BCKDHB: variants seen among roughly 807,000 people sequenced by gnomAD.
The protein encoded by BCKDHB is branched chain keto acid dehydrogenase E1 subunit beta, also known as 2-oxoisovalerate dehydrogenase subunit beta, mitochondrial.
In BCKDHB, 41 loss-of-function variants were observed where a neutral mutation model predicts 48.5. The ratio of observed to expected loss-of-function variants is 0.85; its 90% CI spans 0.66 to 1.10. The LOEUF is 1.10. Ranked by LOEUF, BCKDHB falls within the 50% of genes least tolerant of loss-of-function variation. BCKDHB has a pLI of 0.00. For missense variants in BCKDHB, 496 were observed against 494.2 expected, an observed-to-expected ratio of 1.00 and a Z score of -0.03; for synonymous variants, 201 against 174.8, an observed-to-expected ratio of 1.15 and a Z score of -1.18.
rs528535314 is a variant in BCKDHB at position 80,186,359 on chromosome 6, G to T, written c.743-14575G>T. On this transcript the variant is annotated intron_variant, in intron 6 of 9. Coordinates refer to ENST00000320393, the MANE Select transcript of BCKDHB (RefSeq NM_183050.4). ...GCCAGGGAAGGGGGGAAAGCCGGCAGTGACAGGCCTCACCTAGCTTCCACG... is the reference window on the plus strand; with the variant it reads ...GCCAGGGAAGGGGGGAAAGCCGGCATTGACAGGCCTCACCTAGCTTCCACG... Among the ~76,000 whole-genome samples, 98 of 152,286 alleles carry T rather than the reference G, an allele frequency of 6.4e-4. 1 individual carries two copies. The South Asian group carries it at 0.02, about 31-fold the overall frequency.
rs772066588 is a variant in BCKDHB at position 80,106,708 on chromosome 6, G to C, written c.15G>C (p.Ala5=). 9.0e-6 allele frequency: 14 copies of C among 1,551,064 alleles called. No individual in the cohort carries two copies. Among genetic ancestry groups the C allele is most frequent in the Middle Eastern group, 2.2e-4 (1 of 4,478 alleles). The change falls in exon 1 of 10, where the codon GCG becomes GCC. Residue 5 remains alanine (A), a synonymous_variant. Coordinates refer to ENST00000320393, the MANE Select transcript of BCKDHB (RefSeq NM_183050.4). ...GGTGAGCGGGGATGGCGGTTGTAGC[G>C]GCGGCTGCCGGCTGGCTACTCAGGC... MAVV[A]AAAGWLLRLR... is the part of the protein sequence containing the mutation.
chr6:80,315,610 T>C (rs1299692576), intron 9 of BCKDHB, among the ~76,000 whole-genome samples: 3 of 151,826 alleles, frequency 2.0e-5, no homozygotes, highest in Non-Finnish European at 4.4e-5. Flanking sequence ...TTTTTTTTTT[T>C]AAGTTATTTA....
At chr6:80,425,021 G>C in the BCKDHB span, among the ~76,000 whole-genome samples, 5,550 of 152,228 alleles carry the variant, frequency 0.036, 351 homozygotes, top group African/African-American at 0.13. Context: ...AAGAGGAATG[G>C]CCAAAATTAT....
chr6:80,466,191 A>G, the BCKDHB span, among the ~76,000 whole-genome samples: 3 of 152,166 alleles, frequency 2.0e-5, no homozygotes, highest in Non-Finnish European at 4.4e-5. Flanking sequence ...GGAGGAAGTC[A>G]TGTATTTTTC....
intron 8 of BCKDHB, among the ~76,000 whole-genome samples, chr6:80,225,121 C>T (rs1775628508): frequency 6.6e-6 from 1 of 152,184 alleles, no homozygotes; most frequent in Non-Finnish European, 1.5e-5. Context: ...TCCATCCGTT[C>T]CTTTCAGGTG....
intron 9 of BCKDHB, among the ~76,000 whole-genome samples, chr6:80,295,364 C>T (rs1225138095): frequency 8.5e-5 from 13 of 152,094 alleles, no homozygotes; most frequent in Admixed American, 3.3e-4. Flanking sequence ...AGTCACATCT[C>T]GTGTGGTGGC....
chr6:80,290,021 A>G (rs945902130), intron 9 of BCKDHB, among the ~76,000 whole-genome samples: 4 of 152,080 alleles, frequency 2.6e-5, no homozygotes, highest in Non-Finnish European at 5.9e-5. Context: ...GAGTGAGTGC[A>G]CAGCACAGCC....
chr6:80,412,470 T>C, the BCKDHB span, among the ~76,000 whole-genome samples: 1 of 152,300 alleles, frequency 6.6e-6, no homozygotes, highest in East Asian at 1.9e-4. Context: ...TTTTACACTA[T>C]TCATCTATTA....
rs903186042 is a variant in BCKDHB at position 80,222,646 on chromosome 6, G to A, written c.951+19434G>A. Among the ~76,000 whole-genome samples, 36 of 151,916 alleles carry A rather than the reference G, an allele frequency of 2.4e-4. 2 individuals carry two copies. Among genetic ancestry groups the A allele is most frequent in the Admixed American group, 6.6e-5 (1 of 15,238 alleles). ...GAGTTGTCTTCTTAGTGTTCCCGTGGCATTTTCCATCCATCTGTTTCAGAG... is the reference window on the plus strand; with the variant it reads ...GAGTTGTCTTCTTAGTGTTCCCGTGACATTTTCCATCCATCTGTTTCAGAG... On this transcript the variant is annotated intron_variant, in intron 8 of 9. Coordinates refer to ENST00000320393, the MANE Select transcript of BCKDHB (RefSeq NM_183050.4).
chr6:80,200,564 CCA>C (rs1774342149), intron 6 of BCKDHB, among the ~76,000 whole-genome samples: 1 of 152,048 alleles, frequency 6.6e-6, no homozygotes, highest in African/African-American at 2.4e-5. Context: ...TTCTTAGATA[CCA>C]CACACAGGGT....
At chr6:80,117,694 A>G (rs1436173261) in intron 1 of BCKDHB, among the ~76,000 whole-genome samples, 1 of 152,258 alleles carries the variant, frequency 6.6e-6, no homozygotes. Context: ...CCTTAAGGAC[A>G]TGCTCCTGCT....
intron 9 of BCKDHB, among the ~76,000 whole-genome samples, chr6:80,277,529 A>G (rs989333044): frequency 4.6e-5 from 7 of 151,980 alleles, no homozygotes; most frequent in African/African-American, 1.7e-4. Flanking sequence ...TAATGAAAAA[A>G]CAAATCCTGA....
the BCKDHB span, among the ~76,000 whole-genome samples, chr6:80,420,946 C>A: frequency 6.6e-6 from 1 of 152,290 alleles, no homozygotes; most frequent in African/African-American, 2.4e-5. Context: ...TAGAGTGAAA[C>A]TGTTCTTCTC....
chr6:80,154,816 C>T (rs1344274383), intron 3 of BCKDHB, among the ~76,000 whole-genome samples: 1 of 152,032 alleles, frequency 6.6e-6, no homozygotes, highest in Non-Finnish European at 1.5e-5. Context: ...TCACTTGAAT[C>T]TGAACTGATT....
the BCKDHB span, among the ~76,000 whole-genome samples, chr6:80,409,071 TGC>T: frequency 1.2e-4 from 19 of 152,162 alleles, no homozygotes; most frequent in Admixed American, 5.9e-4. Context: ...TGGTATGTTG[TGC>T]CTTTCTTCTT....
chr6:80,125,594 A>G (rs1480394623), intron 1 of BCKDHB, among the ~76,000 whole-genome samples: 2 of 152,180 alleles, frequency 1.3e-5, no homozygotes, highest in Non-Finnish European at 2.9e-5. Context: ...TCCTCCTTTC[A>G]CTTGAAAACT....
intron 3 of BCKDHB, 152 bp downstream of exon 3, chr6:80,129,381 C>T (rs1562070632): frequency 3.0e-6 from 2 of 659,026 alleles, no homozygotes; most frequent in Non-Finnish European, 5.5e-6. Context: ...ATCCTTTGGC[C>T]TATATTTTCT....
the BCKDHB span, among the ~76,000 whole-genome samples, chr6:80,412,532 A>G: frequency 6.6e-6 from 1 of 152,294 alleles, no homozygotes; most frequent in African/African-American, 2.4e-5. Flanking sequence ...TTTAACTTTT[A>G]TTATAGAGTT....
chr6:80,414,306 T>C, the BCKDHB span, among the ~76,000 whole-genome samples: 1 of 152,178 alleles, frequency 6.6e-6, no homozygotes, highest in Non-Finnish European at 1.5e-5. Flanking sequence ...TTTAATTAGA[T>C]CCCATTTGTC....
Sources: gnomAD v4.1 joint callset for allele counts (sites outside exome capture counted in the v4.1 genomes callset) on GRCh38, gnomAD v4.1.1 for gene constraint, MANE v1.5 for transcripts, NCBI Gene and HGNC (gene_info 2026-07-23, HGNC 2026-07-21) for gene names.